The following PLCG2 variants were observed in gnomAD, a reference collection of about 807,000 sequenced individuals.
The protein encoded by PLCG2 is phospholipase C gamma 2, also known as 1-phosphatidylinositol 4,5-bisphosphate phosphodiesterase gamma-2.
Under a neutral mutation model 175.6 loss-of-function variants are expected in PLCG2, and 69 were observed. That is an observed-to-expected ratio of 0.39 (90% CI 0.32 to 0.48). PLCG2 has a LOEUF of 0.48. PLCG2 is among the 20% of genes least tolerant of loss of function. The pLI is 0.91. For synonymous variants in PLCG2, 827 were observed against 624.0 expected (o/e 1.33, Z -4.85); for missense variants, 1,798 against 1,650.9 (o/e 1.09, Z -1.54).
chr16:81,808,068 C>T (rs920971683), intron 2 of PLCG2, among the ~76,000 whole-genome samples: 3 of 152,208 alleles, frequency 2.0e-5, no homozygotes, highest in Non-Finnish European at 4.4e-5. Context: ...TTGTTTCTAC[C>T]TTTTGGCTAT....
chr16:81,778,212 A>T, upstream of PLCG2, among the ~76,000 whole-genome samples: 1 of 152,028 alleles, frequency 6.6e-6, no homozygotes, highest in East Asian at 1.9e-4. Context: ...CTCATGTCGA[A>T]AAAAGAGAAA....
At chr16:81,788,685 T>C (rs1054742683) in intron 2 of PLCG2, among the ~76,000 whole-genome samples, 1 of 152,244 alleles carries the variant, frequency 6.6e-6, no homozygotes, top group African/African-American at 2.4e-5. Flanking sequence ...CTTAATTTGA[T>C]GTATCCTATC....
intron 2 of PLCG2, among the ~76,000 whole-genome samples, chr16:81,846,057 C>T (rs1056028422): frequency 6.6e-6 from 1 of 152,182 alleles, no homozygotes; most frequent in Non-Finnish European, 1.5e-5. Flanking sequence ...GCTGTTGTGC[C>T]CCACTCAGCT....
intron 1 of PLCG2, among the ~76,000 whole-genome samples, chr16:81,754,981 T>C (rs1343072887): frequency 6.6e-6 from 1 of 152,112 alleles, no homozygotes; most frequent in Non-Finnish European, 1.5e-5. Context: ...ACCAGCTGTG[T>C]GTCCTTAGGC....
chr16:81,935,271 A>G (rs187929470), intron 26 of PLCG2, among the ~76,000 whole-genome samples: 17 of 152,158 alleles, frequency 1.1e-4, no homozygotes, highest in African/African-American at 4.1e-4. Flanking sequence ...CTTCCCTATT[A>G]TAAGGACCCT....
rs1567517826 is a variant in PLCG2 at position 81,889,233 on chromosome 16, C to A, written c.827C>A (p.Thr276Asn). Residue 276 changes from threonine (T) to asparagine (N), a missense_variant, in exon 10 of 33, where the codon ACC becomes AAC. By Grantham distance (65) the Thr-to-Asn change is moderately conservative. Transcript: ENST00000564138. ...CGGATGACAAAGTTCATTGATGACA[C>A]CATGCGTGAAACTGCTGAGCCTTTC... ...RERMTKFIDD[T>N]MRETAEPFLF... 20 of 1,606,194 alleles carry A rather than the reference C, an allele frequency of 1.2e-5. No individual in the cohort carries two copies. The highest frequency in any genetic ancestry group is 1.6e-5 in the Non-Finnish European group (19 of 1,176,430).
At chr16:81,907,040 A>AC (rs1909402230) in intron 15 of PLCG2, among the ~76,000 whole-genome samples, 1 of 150,466 alleles carries the variant, frequency 6.6e-6, no homozygotes, top group Non-Finnish European at 1.5e-5. Context: ...CTGTCTCAAA[A>AC]AAAAAAAAAA....
chr16:81,832,932 T>C (rs1458594698), intron 2 of PLCG2, among the ~76,000 whole-genome samples: 2 of 152,200 alleles, frequency 1.3e-5, no homozygotes, highest in African/African-American at 4.8e-5. Flanking sequence ...AGCCGATACT[T>C]GAAGGCCTCC....
chr16:81,757,431 G>A (rs928283075), intron 2 of PLCG2, among the ~76,000 whole-genome samples: 28 of 152,240 alleles, frequency 1.8e-4, no homozygotes, highest in Non-Finnish European at 3.2e-4. Flanking sequence ...GGGCGCGGTG[G>A]CAGGTGGCTG....
intron 25 of PLCG2, among the ~76,000 whole-genome samples, chr16:81,933,298 G>A (rs1031018169): frequency 2.0e-5 from 3 of 152,184 alleles, no homozygotes; most frequent in Admixed American, 1.3e-4. Context: ...CCCCTTTTGC[G>A]GAGCTGGTGT....
At chr16:81,765,523 C>T (rs997163004) in intron 2 of PLCG2, among the ~76,000 whole-genome samples, 8 of 152,320 alleles carry the variant, frequency 5.3e-5, no homozygotes, top group African/African-American at 9.6e-5. Flanking sequence ...CCCAGCTACC[C>T]GGGAGGCTGA....
At chr16:81,770,988 G>A (rs150021280) in intron 2 of PLCG2, among the ~76,000 whole-genome samples, 2 of 151,486 alleles carry the variant, frequency 1.3e-5, no homozygotes, top group East Asian at 3.9e-4. Flanking sequence ...AACCCGGGAG[G>A]TGGAGCTTGC....
intron 21 of PLCG2, chr16:81,921,560 T>G: frequency 2.3e-6 from 1 of 426,606 alleles, no homozygotes; most frequent in Non-Finnish European, 4.4e-6. Flanking sequence ...TCAAATGTTT[T>G]TGGCTCGCTG....
intron 9 of PLCG2, among the ~76,000 whole-genome samples, chr16:81,884,491 A>C (rs190069872): frequency 6.6e-6 from 1 of 151,984 alleles, no homozygotes; most frequent in South Asian, 2.1e-4. Context: ...CCAGCTGCAC[A>C]GCCACCGACA....
intron 2 of PLCG2, among the ~76,000 whole-genome samples, chr16:81,772,857 G>C (rs548476606): frequency 6.6e-6 from 1 of 152,232 alleles, no homozygotes; most frequent in Admixed American, 6.5e-5. Context: ...TTGGCTTGCT[G>C]GTCTGTGGTG....
chr16:81,933,406 C>T (rs1232853903), intron 25 of PLCG2, among the ~76,000 whole-genome samples: 3 of 152,102 alleles, frequency 2.0e-5, no homozygotes, highest in Non-Finnish European at 2.9e-5. Flanking sequence ...CCTAAGTGCC[C>T]GCATTGTTAC....
chr16:81,892,218 G>A (rs770064852), intron 11 of PLCG2, among the ~76,000 whole-genome samples: 1 of 152,234 alleles, frequency 6.6e-6, no homozygotes, highest in Non-Finnish European at 1.5e-5. Context: ...AGGGGAGGAA[G>A]GCAGGTCCTG....
At chr16:81,932,030 G>A (rs143403868) in intron 25 of PLCG2, among the ~76,000 whole-genome samples, 4 of 152,236 alleles carry the variant, frequency 2.6e-5, no homozygotes, top group African/African-American at 2.4e-5. Context: ...GACAGAAAAC[G>A]TTCACTGAGC....
intron 7 of PLCG2, among the ~76,000 whole-genome samples, chr16:81,878,596 A>G (rs770271369): frequency 6.6e-6 from 1 of 151,734 alleles, no homozygotes; most frequent in African/African-American, 2.4e-5. Flanking sequence ...CCTTCTTCCT[A>G]CTGTCTCTTG....
Sources: gnomAD v4.1 joint callset for allele counts (sites outside exome capture counted in the v4.1 genomes callset) on GRCh38, gnomAD v4.1.1 for gene constraint, MANE v1.5 for transcripts, NCBI Gene and HGNC (gene_info 2026-07-23, HGNC 2026-07-21) for gene names.